LRRC28: variants seen among roughly 807,000 people sequenced by gnomAD.
LRRC28 encodes leucine-rich repeat-containing protein 28.
Under a neutral mutation model 45.7 loss-of-function variants are expected in LRRC28, and 39 were observed. The observed-to-expected ratio is 0.85, with a 90% CI of 0.66 to 1.12. The LOEUF (loss-of-function observed/expected upper bound fraction) is 1.12. Among genes scored for constraint, LRRC28 ranks in the 50% most tolerant of loss-of-function variants. The pLI is 0.00. For synonymous variants in LRRC28, 206 were observed against 178.8 expected (o/e 1.15, Z -1.22); for missense variants, 435 against 438.5 (o/e 0.99, Z 0.07).
At chr15:99,289,906 G>GTCCGCAT (rs2082067679) in intron 5 of LRRC28, among the ~76,000 whole-genome samples, 2 of 123,864 alleles carry the variant, frequency 1.6e-5, no homozygotes, top group South Asian at 5.6e-4. Flanking sequence ...GCAGTCCGCA[G>GTCCGCAT]TCCGGCCTGG....
intron 7 of LRRC28, among the ~76,000 whole-genome samples, chr15:99,358,476 C>A (rs1957107931): frequency 1.3e-5 from 2 of 149,902 alleles, no homozygotes; most frequent in African/African-American, 4.9e-5. Flanking sequence ...CTGAGAATTG[C>A]AAGAAAAAAA....
intron 9 of LRRC28, among the ~76,000 whole-genome samples, chr15:99,369,378 A>G (rs148958328): frequency 1.6e-3 from 242 of 152,204 alleles, no homozygotes; most frequent in African/African-American, 5.7e-3. Flanking sequence ...CTCACATTGA[A>G]AGAGAGAGAA....
intron 2 of LRRC28, among the ~76,000 whole-genome samples, chr15:99,267,089 A>G (rs924665786): frequency 5.3e-5 from 8 of 152,192 alleles, no homozygotes; most frequent in Non-Finnish European, 1.0e-4. Context: ...TTAAAATAAG[A>G]TGGTTAGAAT....
chr15:99,363,867 C>T (rs1047419510), intron 9 of LRRC28, among the ~76,000 whole-genome samples: 1 of 152,142 alleles, frequency 6.6e-6, no homozygotes. Context: ...GAAAAATTCC[C>T]CACTTGCACA....
At chr15:99,375,671 A>C (rs191391054) in intron 9 of LRRC28, among the ~76,000 whole-genome samples, 1 of 152,038 alleles carries the variant, frequency 6.6e-6, no homozygotes, top group Non-Finnish European at 1.5e-5. Context: ...CAGGTTGTCT[A>C]TTTCATCTCA....
intron 9 of LRRC28, among the ~76,000 whole-genome samples, chr15:99,371,736 G>T (rs1957489463): frequency 6.6e-6 from 1 of 152,174 alleles, no homozygotes; most frequent in Non-Finnish European, 1.5e-5. Flanking sequence ...TCCCACAAGT[G>T]AAATAGTCTT....
At chr15:99,272,252 A>G (rs1319396078) in intron 2 of LRRC28, among the ~76,000 whole-genome samples, 1 of 152,164 alleles carries the variant, frequency 6.6e-6, no homozygotes, top group African/African-American at 2.4e-5. Flanking sequence ...ACACTGTACT[A>G]GTCTCTCAGA....
chr15:99,267,638 C>T (rs776316334), intron 2 of LRRC28, among the ~76,000 whole-genome samples: 9 of 152,060 alleles, frequency 5.9e-5, no homozygotes, highest in Non-Finnish European at 1.0e-4. Flanking sequence ...TCTAATGGTC[C>T]GTTAGTGTTT....
At chr15:99,277,712 G>A (rs1432527383) in intron 3 of LRRC28, among the ~76,000 whole-genome samples, 1 of 152,040 alleles carries the variant, frequency 6.6e-6, no homozygotes, top group Non-Finnish European at 1.5e-5. Context: ...TCATCCTTTT[G>A]TATGTATGTA....
chr15:99,291,060 A>T lies in LRRC28; in HGVS notation c.385+3109A>T, dbSNP rs552461717. Among the ~76,000 whole-genome samples, 4 of 152,364 alleles carry T rather than the reference A, an allele frequency of 2.6e-5. No individual in the cohort carries two copies. The South Asian group carries it at 8.3e-4, about 32-fold the overall frequency. On this transcript the variant is annotated intron_variant, in intron 5 of 9. Coordinates refer to ENST00000301981, the MANE Select transcript of LRRC28 (RefSeq NM_144598.5). Reference sequence around the variant, plus strand: ...CTGTAATATAAAAACATGATGTGGTAGAATATAGTCATTGCCTTCCATTAT... The same window carrying T: ...CTGTAATATAAAAACATGATGTGGTTGAATATAGTCATTGCCTTCCATTAT...
intron 2 of LRRC28, among the ~76,000 whole-genome samples, chr15:99,272,091 C>G (rs1237006480): frequency 6.6e-6 from 1 of 152,190 alleles, no homozygotes; most frequent in Non-Finnish European, 1.5e-5. Flanking sequence ...CAAATTCATT[C>G]TGCTTTCTTC....
intron 5 of LRRC28, among the ~76,000 whole-genome samples, chr15:99,302,815 C>T (rs1301736850): frequency 6.6e-6 from 1 of 152,192 alleles, no homozygotes; most frequent in Admixed American, 6.5e-5. Flanking sequence ...TACATAACCT[C>T]ATGTTTTAGT....
rs1157213557 is a variant in LRRC28, at chr15:99,288,682, C to CT, written c.385+740dup. 3.3e-5 allele frequency among the ~76,000 whole-genome samples: 5 copies of CT among 149,456 alleles called. No individual in the cohort carries two copies. The East Asian group carries it at 5.9e-4, about 18-fold the overall frequency. ...GGCATGAGCCACCGTGCCTGGTTGACTTTTTTTTTCTGTTTTTAACAGAGT... is the reference window on the plus strand; with the variant it reads ...GGCATGAGCCACCGTGCCTGGTTGACTTTTTTTTTTCTGTTTTTAACAGAGT... On this transcript the variant is annotated intron_variant, in intron 5 of 9. Transcript: ENST00000301981.
chr15:99,386,280 C>T lies in LRRC28; in HGVS notation c.*178C>T, dbSNP rs1957987999. 1 of 555,460 alleles carries T rather than the reference C, an allele frequency of 1.8e-6. No individual in the cohort carries two copies. The highest frequency in any genetic ancestry group is 3.2e-6 in the Non-Finnish European group (1 of 311,966). The allele number at this position is 555,460 out of a possible 1,614,324, so 34.4% of individuals were successfully genotyped here. A position where few individuals can be genotyped will look rare whatever the true frequency, so the allele number is the denominator to read the frequency against. On this transcript the variant is annotated 3_prime_UTR_variant, in exon 10 of 10. Transcript: ENST00000301981. ...CCCTTCCCCCAAGTTGGAATATATC[C>T]TCCCCCAAATTAAGGACCCATTTGT...
rs903631232 is a variant in LRRC28, at chr15:99,363,310, G to A, written c.1031+45G>A. 1.2e-5 allele frequency: 19 copies of A among 1,602,236 alleles called. No individual in the cohort carries two copies. In the East Asian group the frequency reaches 4.3e-4, roughly 36 times the overall value. ...CACCAGGGTTTACACCCAGGCAAGG[G>A]GTGGCAGGTGGGGAGGGGAGAGGCT... On this transcript the variant is annotated intron_variant, in intron 9 of 9. Transcript: ENST00000301981.
intron 3 of LRRC28, chr15:99,285,437 C>T (rs568845125): frequency 1.2e-4 from 94 of 793,578 alleles, no homozygotes; most frequent in South Asian, 5.3e-4. Flanking sequence ...GTGTTGGGAT[C>T]TCCCATGACC....
chr15:99,385,379 C>T (rs1957952761), intron 9 of LRRC28, among the ~76,000 whole-genome samples: 1 of 152,238 alleles, frequency 6.6e-6, no homozygotes, highest in Non-Finnish European at 1.5e-5. Context: ...TCTTCTCCCT[C>T]TACCAGAGGA....
intron 9 of LRRC28, among the ~76,000 whole-genome samples, chr15:99,367,450 A>G (rs1957370292): frequency 6.6e-6 from 1 of 152,198 alleles, no homozygotes; most frequent in Admixed American, 6.5e-5. Flanking sequence ...AAAGAAAATC[A>G]GACCAAACTT....
chr15:99,287,857 C>CA lies in LRRC28; in HGVS notation c.293dup (p.Asn98LysfsTer23). On this transcript the variant is annotated frameshift_variant, in exon 5 of 10. Transcript: ENST00000301981. LOFTEE classifies it high-confidence loss of function. The stretch of plus-strand genomic sequence containing the variant: ...AACTCCAATGTCTGGATCTTAGTGA[C>CA]AATGCCTTAGAAATTGTTTGCCCAG... The CA allele has an allele frequency of 6.2e-7, 1 of 1,613,682 alleles. No homozygotes were observed. Among genetic ancestry groups the CA allele is most frequent in the Non-Finnish European group, 8.5e-7 (1 of 1,179,772 alleles).
Sources: gnomAD v4.1 joint callset for allele counts (sites outside exome capture counted in the v4.1 genomes callset) on GRCh38, gnomAD v4.1.1 for gene constraint, MANE v1.5 for transcripts, NCBI Gene and HGNC (gene_info 2026-07-23, HGNC 2026-07-21) for gene names.